RGS12: variants seen among roughly 807,000 people sequenced by gnomAD.
The protein encoded by RGS12 is regulator of G protein signaling 12, also known as regulator of G-protein signaling 12.
RGS12 carries 66 observed loss-of-function variants against 120.1 expected under a neutral mutation model. The ratio of observed to expected loss-of-function variants is 0.55; its 90% CI spans 0.45 to 0.67. RGS12 has a LOEUF of 0.67. RGS12 is among the 30% of genes least tolerant of loss of function. The probability of loss-of-function intolerance (pLI) is 0.00; values close to 1 mark genes in which losing one functional copy is unlikely to be tolerated. For missense variants in RGS12, 1,859 were observed against 1,957.7 expected (o/e 0.95, Z 0.95); for synonymous variants, 827 against 804.7 (o/e 1.03, Z -0.47).
chr4:3,414,741 GTCTT>G lies in RGS12; in HGVS notation c.2191-6_2191-3del, dbSNP rs1722151559. On this transcript the variant is annotated splice_polypyrimidine_tract_variant and splice_region_variant and intron_variant, in intron 5 of 17. Coordinates refer to ENST00000336727, the MANE Select transcript of RGS12 (RefSeq NM_001394154.1). ...GTCAGTGTTAATAAATGGTGTCTTT[GTCTT>G]TCTTAGGATTTTCTAAGGAAAGAAT... is the stretch of plus-strand genomic sequence containing the variant. The G allele has an allele frequency of 2.5e-6, 4 of 1,578,494 alleles. No homozygotes were observed. In the Admixed American group the frequency reaches 6.7e-5, roughly 26 times the overall value.
chr4:3,323,419 G>A (rs1041889160), intron 2 of RGS12, among the ~76,000 whole-genome samples: 5 of 152,228 alleles, frequency 3.3e-5, no homozygotes, highest in Admixed American at 6.5e-5. Context: ...TTCAGAGTTC[G>A]CTTCCTTTCA....
intron 2 of RGS12, among the ~76,000 whole-genome samples, chr4:3,322,840 G>A (rs886073705): frequency 5.3e-5 from 8 of 152,154 alleles, no homozygotes; most frequent in Non-Finnish European, 1.0e-4. Flanking sequence ...TCGTTTGTAG[G>A]TACTCCCAGG....
At chr4:3,395,605 C>G (rs1163485664) in intron 4 of RGS12, among the ~76,000 whole-genome samples, 1 of 152,196 alleles carries the variant, frequency 6.6e-6, no homozygotes, top group African/African-American at 2.4e-5. Flanking sequence ...TCAACACTTT[C>G]CCTGTAGCCA....
intron 3 of RGS12, among the ~76,000 whole-genome samples, chr4:3,379,005 A>G (rs1013055929): frequency 2.4e-4 from 35 of 146,454 alleles, no homozygotes; most frequent in African/African-American, 8.2e-4. Flanking sequence ...GAAATGTGCG[A>G]TGTGTGTGTG....
chr4:3,431,814 T>C, intron 17 of RGS12: 1 of 985,700 alleles, frequency 1.0e-6, no homozygotes, highest in Non-Finnish European at 1.2e-6. Context: ...GGAGCGCCTC[T>C]CCGTCCTGTG....
At chr4:3,420,525 G>A in intron 9 of RGS12, 117 bp from the exon 10 acceptor site, 1 of 935,064 alleles carries the variant, frequency 1.1e-6, no homozygotes, top group South Asian at 1.4e-5. Flanking sequence ...GTGGGGGATG[G>A]GTGGGGGGGG....
chr4:3,298,948 A>G (rs1204662812), intron 1 of RGS12, among the ~76,000 whole-genome samples: 2 of 152,142 alleles, frequency 1.3e-5, no homozygotes, highest in African/African-American at 2.4e-5. Context: ...CAACACCTGC[A>G]TTACCTCAGG....
Position 3,417,083 on chromosome 4 carries a change from G to T in RGS12, c.2598G>T (p.Thr866=). 6.3e-7 allele frequency: 1 copy of T among 1,599,316 alleles called. No individual in the cohort carries two copies. ...GTTCAGACCACTCCAGTGTGTCCAC[G>T]CCAAAAAAGGTGACCTCCCCGAGGC... ...SLGSDHSSVS[T]PKKLSGKSKS... The change falls in exon 8 of 18, where the codon ACG becomes ACT. Residue 866 remains threonine, a synonymous_variant. Transcript: ENST00000336727.
At chr4:3,378,414 G>T (rs907419132) in intron 3 of RGS12, 3 of 152,088 alleles carry the variant, frequency 2.0e-5, no homozygotes, top group African/African-American at 7.2e-5. Flanking sequence ...GTAAACAGGT[G>T]GGATTACATT....
chr4:3,430,942 A>T lies in RGS12; in HGVS notation c.4101A>T (p.Gly1367=). The change falls in exon 17 of 18, where the codon GGA becomes GGT. Residue 1367 remains glycine, a synonymous_variant. Transcript: ENST00000336727. ...CCTCCACCCCCCAGGAAGTGCCAGG[A>T]CCTTCCAGACCAGGTACCTCCAGGT... The part of the protein sequence containing the change: ...PPPSTPQEVP[G]PSRPGSGTHG... 1 of 1,612,576 alleles carries T rather than the reference A, an allele frequency of 6.2e-7. No individual in the cohort carries two copies. Among genetic ancestry groups the T allele is most frequent in the Non-Finnish European group, 8.5e-7 (1 of 1,179,936 alleles).
At chr4:3,392,865 G>C (rs1347322156) in intron 4 of RGS12, among the ~76,000 whole-genome samples, 1 of 152,152 alleles carries the variant, frequency 6.6e-6, no homozygotes, top group Non-Finnish European at 1.5e-5. Flanking sequence ...GCAGATGCCT[G>C]TAATCCCAGC....
rs1444543661 is a variant in RGS12 at position 3,433,940 on chromosome 4, GACAC to G, written c.4114+2991_4114+2994del. ...TAATGGCCCTGAGCCTTAGCTGTCT[GACAC>G]ACACAACAGAGGCCTCAAGCGGGAG... On this transcript the variant is annotated intron_variant, in intron 17 of 17. Transcript: ENST00000336727. This position sits in a 1 kb window ranked among gnomAD's most constrained non-coding sequence, Gnocchi z 4.4. 6.6e-6 allele frequency among the ~76,000 whole-genome samples: 1 copy of G among 152,318 alleles called. No individual in the cohort carries two copies. The highest frequency in any genetic ancestry group is 1.9e-4 in the East Asian group (1 of 5,180).
At chr4:3,311,262 C>A (rs768570069) in intron 1 of RGS12, among the ~76,000 whole-genome samples, 1 of 152,174 alleles carries the variant, frequency 6.6e-6, no homozygotes, top group African/African-American at 2.4e-5. Context: ...CTGCCTCGCT[C>A]GGGGCCTGCT....
In RGS12 at chr4:3,389,796, G is replaced by T. The variant is rs1281502193; in HGVS notation, c.2020+3359G>T. 6.6e-6 allele frequency among the ~76,000 whole-genome samples: 1 copy of T among 152,138 alleles called. No individual in the cohort carries two copies. The highest frequency in any genetic ancestry group is 1.5e-5 in the Non-Finnish European group (1 of 68,004). On this transcript the variant is annotated intron_variant, in intron 4 of 17. Transcript: ENST00000336727. The surrounding 1 kb of genome is among the most constrained non-coding windows in gnomAD (Gnocchi z 5.2). Reference sequence around the variant, plus strand: ...CTCTGGCTTTGGGGGACGGTGGCAGGTCCACATGACACCCCACATACATGA... The same window carrying T: ...CTCTGGCTTTGGGGGACGGTGGCAGTTCCACATGACACCCCACATACATGA...
At chr4:3,362,541 TTGTG>T (rs1393610528) in intron 3 of RGS12, among the ~76,000 whole-genome samples, 1 of 111,550 alleles carries the variant, frequency 9.0e-6, no homozygotes, top group Non-Finnish European at 1.8e-5. Flanking sequence ...TTGTGAGGGT[TTGTG>T]TGAGGGTGTG....
At chr4:3,431,533 G>C in intron 17 of RGS12, 1 of 986,206 alleles carries the variant, frequency 1.0e-6, no homozygotes, top group South Asian at 4.7e-5. Context: ...CTGACCGCGG[G>C]TGTCACGGGC....
At chr4:3,310,270 G>A (rs1179216115) in intron 1 of RGS12, among the ~76,000 whole-genome samples, 3 of 137,556 alleles carry the variant, frequency 2.2e-5, no homozygotes, top group Admixed American at 7.0e-5. Context: ...TCCTCTGAGG[G>A]GAACCGTGTC....
chr4:3,379,985 CA>C (rs1202472583), intron 3 of RGS12, among the ~76,000 whole-genome samples: 2 of 152,192 alleles, frequency 1.3e-5, no homozygotes, highest in East Asian at 3.8e-4. Flanking sequence ...AGCATTAACT[CA>C]AAAGTCCAAG....
In RGS12 at chr4:3,317,494, G is replaced by A; in HGVS notation, c.1324G>A (p.Asp442Asn). 2 of 1,613,560 alleles carry A rather than the reference G, an allele frequency of 1.2e-6. No individual in the cohort carries two copies. Among genetic ancestry groups the A allele is most frequent in the African/African-American group, 2.7e-5 (2 of 75,066 alleles). ...EEKSNRVLVV[D>N]LGGSSSRHGP... Reference sequence around the variant, plus strand: ...GAAGAGCAACCGGGTCCTTGTGGTGGACCTGGGTGGGAGCTCGAGCAGACA... The same window carrying A: ...GAAGAGCAACCGGGTCCTTGTGGTGAACCTGGGTGGGAGCTCGAGCAGACA... Residue 442 changes from aspartate (D) to asparagine (N), a missense_variant, in exon 2 of 18, where the codon GAC becomes AAC. Physicochemically the swap from Asp to Asn is conservative, Grantham distance 23 (BLOSUM62 1). Coordinates refer to ENST00000336727, the MANE Select transcript of RGS12 (RefSeq NM_001394154.1).
Sources: allele counts gnomAD v4.1 joint callset (sites outside exome capture counted in the v4.1 genomes callset), GRCh38; gene constraint gnomAD v4.1.1; non-coding constraint Gnocchi (gnomAD v3.1); transcripts MANE v1.5; gene names NCBI Gene and HGNC (gene_info 2026-07-23, HGNC 2026-07-21).